Variants in DAP observed in about 807,000 individuals in gnomAD.
DAP encodes the protein death-associated protein 1.
Under a neutral mutation model 13.8 loss-of-function variants are expected in DAP, and 8 were observed. That is an observed-to-expected ratio of 0.58 (90% CI 0.34 to 1.05). The LOEUF (loss-of-function observed/expected upper bound fraction) is 1.05. Ranked by LOEUF, DAP falls within the 50% of genes least tolerant of loss-of-function variation. The pLI, the probability that DAP is intolerant of heterozygous loss-of-function variation, is 0.03. For synonymous variants in DAP, 47 were observed against 47.5 expected (o/e 0.99, Z 0.04); for missense variants, 106 against 133.2 (o/e 0.80, Z 1.01).
At chr5:10,702,241 C>T (rs920083770) in intron 2 of DAP, among the ~76,000 whole-genome samples, 3 of 152,166 alleles carry the variant, frequency 2.0e-5, no homozygotes, top group Non-Finnish European at 2.9e-5. Context: ...CACCGGTCAG[C>T]GACCCTCAGC....
intron 2 of DAP, among the ~76,000 whole-genome samples, chr5:10,688,154 G>A (rs193201356): frequency 6.6e-6 from 1 of 152,082 alleles, no homozygotes; most frequent in Admixed American, 6.5e-5. Context: ...GGCCTCAAGT[G>A]ATCTACCCAC....
chr5:10,680,972 G>A lies in DAP; in HGVS notation c.*84C>T, dbSNP rs930849653. 5.2e-6 allele frequency: 8 copies of A among 1,545,314 alleles called. No individual in the cohort carries two copies. Among genetic ancestry groups the A allele is most frequent in the Admixed American group, 2.0e-5 (1 of 51,006 alleles). On this transcript the variant is annotated 3_prime_UTR_variant, in exon 4 of 4. Coordinates refer to ENST00000230895, the MANE Select transcript of DAP (RefSeq NM_004394.3). ...TAGATTTCCCAGCAGAGTAGGATTT[G>A]GGCGAAACTGCTGGTTCTCTCTGTC...
chr5:10,746,294 T>C (rs967766113), intron 2 of DAP, among the ~76,000 whole-genome samples: 5 of 152,028 alleles, frequency 3.3e-5, no homozygotes, highest in African/African-American at 1.2e-4. Flanking sequence ...GCTTTGTGAA[T>C]ACAGTAAGTG....
chr5:10,735,148 CTT>C (rs1300104939), intron 2 of DAP, among the ~76,000 whole-genome samples: 1 of 147,004 alleles, frequency 6.8e-6, no homozygotes, highest in Non-Finnish European at 1.5e-5. Flanking sequence ...TTTAAGCTAA[CTT>C]TTACAAAATG....
intron 2 of DAP, among the ~76,000 whole-genome samples, chr5:10,702,175 G>A (rs953673100): frequency 2.6e-5 from 4 of 152,304 alleles, no homozygotes; most frequent in Admixed American, 6.5e-5. Flanking sequence ...CCAGCGCCTG[G>A]CACATGGTCT....
At chr5:10,729,372 C>G (rs1739378817) in intron 2 of DAP, among the ~76,000 whole-genome samples, 1 of 152,200 alleles carries the variant, frequency 6.6e-6, no homozygotes, top group Non-Finnish European at 1.5e-5. Context: ...TAGCTTCCCT[C>G]CCCTTCATTT....
intron 2 of DAP, among the ~76,000 whole-genome samples, chr5:10,687,484 T>C (rs1738184642): frequency 6.6e-6 from 1 of 152,058 alleles, no homozygotes; most frequent in Non-Finnish European, 1.5e-5. Context: ...CCCTCATGGG[T>C]AACTTTGAGG....
intron 2 of DAP, among the ~76,000 whole-genome samples, chr5:10,724,639 A>C (rs531636960): frequency 2.0e-5 from 3 of 152,250 alleles, no homozygotes; most frequent in Non-Finnish European, 4.4e-5. Context: ...AAATTGCTTA[A>C]GAGTCATAAA....
intron 2 of DAP, among the ~76,000 whole-genome samples, chr5:10,683,936 G>A (rs1738095928): frequency 6.6e-6 from 1 of 152,150 alleles, no homozygotes; most frequent in Admixed American, 6.5e-5. Context: ...AAGTGATCCT[G>A]CTTCAGTCTC....
At chr5:10,750,192 T>C (rs991334082) in intron 1 of DAP, among the ~76,000 whole-genome samples, 2 of 152,136 alleles carry the variant, frequency 1.3e-5, no homozygotes, top group Non-Finnish European at 2.9e-5. Flanking sequence ...CATTTTAAAC[T>C]GAGTGGACCC....
intron 2 of DAP, among the ~76,000 whole-genome samples, chr5:10,728,429 A>G (rs1739346870): frequency 6.6e-6 from 1 of 152,224 alleles, no homozygotes; most frequent in Admixed American, 6.5e-5. Context: ...GGATAGGCCA[A>G]AAAGACAAAA....
intron 2 of DAP, among the ~76,000 whole-genome samples, chr5:10,705,185 C>T (rs1738667900): frequency 2.0e-5 from 3 of 152,296 alleles, no homozygotes; most frequent in African/African-American, 7.2e-5. Flanking sequence ...AATCAGGAAG[C>T]CTTTTGGGCA....
intron 3 of DAP, 177 bp downstream of exon 3, chr5:10,683,352 C>T (rs951520785): frequency 2.1e-5 from 15 of 730,558 alleles, no homozygotes; most frequent in East Asian, 1.3e-4. Flanking sequence ...GTCTGGCCTG[C>T]GGTCTGCAGA....
At chr5:10,694,451 C>T (rs1738384996) in intron 2 of DAP, among the ~76,000 whole-genome samples, 1 of 152,070 alleles carries the variant, frequency 6.6e-6, no homozygotes, top group Admixed American at 6.5e-5. Flanking sequence ...TAAACAGGGT[C>T]GAAACACAGT....
rs151275510 is a variant in DAP at position 10,688,090 on chromosome 5, A to G, written c.153-4519T>C. Among the ~76,000 whole-genome samples the G allele has an allele frequency of 5.9e-3, 895 of 151,780 alleles. 16 individuals carry two copies. Among genetic ancestry groups the G allele is most frequent in the African/African-American group, 0.021 (852 of 41,384 alleles). On this transcript the variant is annotated intron_variant, in intron 2 of 3. Transcript: ENST00000230895. The stretch of plus-strand genomic sequence containing the variant: ...ACCACCATGCCTGGCTAATTTTTGT[A>G]TTTTTAGTAGAGACAGGGTTTTGTC...
At chr5:10,691,970 T>TTC (rs1561008594) in intron 2 of DAP, among the ~76,000 whole-genome samples, 2 of 152,046 alleles carry the variant, frequency 1.3e-5, no homozygotes, top group African/African-American at 4.8e-5. Flanking sequence ...TTAATGAAGA[T>TTC]TTATACCTTA....
chr5:10,757,172 G>A (rs1258687028), intron 1 of DAP, among the ~76,000 whole-genome samples: 8 of 152,302 alleles, frequency 5.3e-5, no homozygotes, highest in East Asian at 1.9e-4. Context: ...TGATGGAGTC[G>A]TCTGTCGGGC....
chr5:10,710,437 C>T (rs5745242), intron 2 of DAP, among the ~76,000 whole-genome samples: 3,419 of 152,306 alleles, frequency 0.022, 132 homozygotes, highest in African/African-American at 0.078. Flanking sequence ...TCCTGGGAAA[C>T]GTGTCCACAG....
At chr5:10,699,859 A>G (rs1183601593) in intron 2 of DAP, among the ~76,000 whole-genome samples, 1 of 152,156 alleles carries the variant, frequency 6.6e-6, no homozygotes, top group Non-Finnish European at 1.5e-5. Flanking sequence ...GCCTTGAGGG[A>G]GCTTCCTTTG....
Sources: allele counts gnomAD v4.1 joint callset (sites outside exome capture counted in the v4.1 genomes callset), GRCh38; gene constraint gnomAD v4.1.1; transcripts MANE v1.5; gene names NCBI Gene and HGNC (gene_info 2026-07-23, HGNC 2026-07-21).